NUP188: variants seen among roughly 807,000 people sequenced by gnomAD.
The protein encoded by NUP188 is nucleoporin 188.
A neutral mutation model predicts 223.0 loss-of-function variants in NUP188; 97 were observed. That is an observed-to-expected ratio of 0.43 (90% CI 0.37 to 0.51). The LOEUF (loss-of-function observed/expected upper bound fraction) is 0.51, where lower values mean the gene tolerates loss of function less well. Ranked by LOEUF, NUP188 falls within the 20% of genes least tolerant of loss-of-function variation. NUP188 has a pLI of 0.00. For synonymous variants in NUP188, 869 were observed against 828.0 expected, an observed-to-expected ratio of 1.05 and a Z score of -0.85; for missense variants, 1,947 against 2,175.6, an observed-to-expected ratio of 0.89 and a Z score of 2.09.
intron 6 of NUP188, 116 bp downstream of exon 6, chr9:128,958,170 T>C: frequency 1.3e-6 from 1 of 743,424 alleles, no homozygotes; most frequent in South Asian, 1.7e-5. Flanking sequence ...ATGGAGGTCT[T>C]TATGAAGAAG....
rs1259798044 is a variant in NUP188, at chr9:128,956,183, GT to G, written c.162-166del. 2.8e-3 allele frequency among the ~76,000 whole-genome samples: 182 copies of G among 65,708 alleles called. No individual in the cohort carries two copies. The African/African-American group carries it at 0.031, about 11-fold the overall frequency. The allele number at this position is 65,708 out of a possible 152,430, so 43.1% of individuals were successfully genotyped here. A position where few individuals can be genotyped will look rare whatever the true frequency, so the allele number is the denominator to read the frequency against. ...TTATGAAGTTTGTAGAGGTGAATGG[GT>G]GTGTGTGTGTGTGTGTGTGTGTGTG... On this transcript the variant is annotated intron_variant, in intron 3 of 43. Coordinates refer to ENST00000372577, the MANE Select transcript of NUP188 (RefSeq NM_015354.3).
At chr9:128,990,280 C>A in intron 25 of NUP188, 54 bp downstream of exon 25, 1 of 1,407,866 alleles carries the variant, frequency 7.1e-7, no homozygotes. Context: ...TTTTTTTCCC[C>A]CTGATTACAA....
At chr9:128,954,710 C>G (rs1283965052) in intron 3 of NUP188, among the ~76,000 whole-genome samples, 1 of 151,792 alleles carries the variant, frequency 6.6e-6, no homozygotes, top group African/African-American at 2.4e-5. Flanking sequence ...CTTAGTCTTA[C>G]CTTGATTTTC....
intron 40 of NUP188, 56 bp downstream of exon 40, chr9:129,005,586 T>C (rs1317474487): frequency 1.2e-6 from 2 of 1,611,028 alleles, no homozygotes; most frequent in East Asian, 2.2e-5. Context: ...CTCTGCTGTG[T>C]ACCGAGAGCT....
chr9:128,992,283 C>G (rs1842447218), intron 25 of NUP188, among the ~76,000 whole-genome samples: 1 of 152,126 alleles, frequency 6.6e-6, no homozygotes, highest in South Asian at 2.1e-4. Context: ...AGCCTCCACT[C>G]CCAGGTTCAT....
intron 30 of NUP188, among the ~76,000 whole-genome samples, chr9:128,995,728 T>C (rs1330079761): frequency 2.6e-5 from 4 of 152,156 alleles, no homozygotes; most frequent in African/African-American, 4.8e-5. Flanking sequence ...GAGAAGTGAT[T>C]TGAAATCCTT....
chr9:128,961,472 A>G (rs941452902), intron 8 of NUP188, among the ~76,000 whole-genome samples: 3 of 151,888 alleles, frequency 2.0e-5, no homozygotes, highest in African/African-American at 7.3e-5. Flanking sequence ...AGATGACGCC[A>G]GTGCACTCTG....
chr9:128,985,552 T>C (rs1241981757), intron 20 of NUP188, among the ~76,000 whole-genome samples: 1 of 152,188 alleles, frequency 6.6e-6, no homozygotes, highest in African/African-American at 2.4e-5. Context: ...AGCATAAATT[T>C]TGGAGTCAGA....
chr9:128,997,604 C>G (rs534271330), intron 30 of NUP188, among the ~76,000 whole-genome samples: 1 of 152,260 alleles, frequency 6.6e-6, no homozygotes, highest in Admixed American at 6.5e-5. Context: ...ATCTTCCCAC[C>G]TCAGCCTCCC....
chr9:128,958,894 G>T lies in NUP188; in HGVS notation c.465G>T (p.Arg155Ser). 1 of 1,579,198 alleles carries T rather than the reference G, an allele frequency of 6.3e-7. No homozygotes were observed. Among genetic ancestry groups the T allele is most frequent in the South Asian group, 1.2e-5 (1 of 86,330 alleles). The change falls in exon 7 of 44, where the codon AGG becomes AGT. Residue 155 changes from arginine (R) to serine (S), a missense_variant and splice_region_variant. Physicochemically the swap from Arg to Ser is moderately radical, Grantham distance 110. Coordinates refer to ENST00000372577, the MANE Select transcript of NUP188 (RefSeq NM_015354.3). ...TCCAAGATGAAAGACACCCCTATAG[G>T]GTAAGCTTGTTTAGTCCTCTTGCTT... ...TYFQDERHPYRVEYADCVDKL... is the reference protein window; with the variant it reads ...TYFQDERHPYSVEYADCVDKL...
At chr9:128,976,683 A>C (rs1157012351) in intron 12 of NUP188, among the ~76,000 whole-genome samples, 3 of 152,060 alleles carry the variant, frequency 2.0e-5, no homozygotes, top group Non-Finnish European at 2.9e-5. Context: ...AAAAAAAAAA[A>C]AGACTCAATT....
At chr9:129,002,745 T>G in intron 36 of NUP188, 72 bp from the exon 37 acceptor site, 1 of 1,504,596 alleles carries the variant, frequency 6.6e-7, no homozygotes, top group African/African-American at 1.4e-5. Flanking sequence ...CTGGGCTGCC[T>G]TAGTTGCTGT....
At chr9:128,972,645 A>C (rs943831674) in intron 11 of NUP188, among the ~76,000 whole-genome samples, 1 of 152,230 alleles carries the variant, frequency 6.6e-6, no homozygotes, top group African/African-American at 2.4e-5. Context: ...CAGTTGTAAC[A>C]ATTGTACTGT....
intron 8 of NUP188, among the ~76,000 whole-genome samples, chr9:128,961,749 G>A (rs1346090743): frequency 2.7e-5 from 4 of 150,108 alleles, no homozygotes; most frequent in Non-Finnish European, 5.9e-5. Flanking sequence ...AGCTTCCTGA[G>A]TAGCTGGGAT....
chr9:128,947,788 A>G, intron 1 of NUP188, 37 bp downstream of exon 1: 1 of 1,376,708 alleles, frequency 7.3e-7, no homozygotes, highest in Non-Finnish European at 9.4e-7. Flanking sequence ...GTGGCTGTGA[A>G]GCGCGGTGTC....
rs1475043495 is a variant in NUP188, at chr9:129,001,726, G to C, written c.4041G>C (p.Gln1347His). 1 of 1,613,358 alleles carries C rather than the reference G, an allele frequency of 6.2e-7. No homozygotes were observed. Among genetic ancestry groups the C allele is most frequent in the Non-Finnish European group, 8.5e-7 (1 of 1,179,788 alleles). ...LHLLLTLART[Q>H]QGATAVAGAG... ...TGCTCCTCACCCTGGCTCGCACTCAGCAGGTAGGAGGCCAGCCCGAAGGCA... is the reference window on the plus strand; with the variant it reads ...TGCTCCTCACCCTGGCTCGCACTCACCAGGTAGGAGGCCAGCCCGAAGGCA... The change falls in exon 35 of 44, where the codon CAG becomes CAC. Residue 1347 changes from glutamine to histidine, a missense_variant. By Grantham distance (24) the Gln-to-His change is conservative. Transcript: ENST00000372577.
intron 9 of NUP188, 104 bp from the exon 10 acceptor site, chr9:128,969,296 G>A: frequency 2.9e-6 from 2 of 685,992 alleles, no homozygotes; most frequent in South Asian, 1.8e-5. Flanking sequence ...ACTATGCCTG[G>A]CCCAATAGGT....
At chr9:128,992,485 G>C (rs1211681473) in intron 25 of NUP188, among the ~76,000 whole-genome samples, 1 of 152,204 alleles carries the variant, frequency 6.6e-6, no homozygotes, top group Non-Finnish European at 1.5e-5. Flanking sequence ...GTGAGCCACT[G>C]TGCCTGGCCC....
chr9:128,987,698 A>C lies in NUP188; in HGVS notation c.2374A>C (p.Met792Leu). ...TGGCGTGGACACCATTGACATGGTGATGGCTGCTCAGCCTCGAAGGTAGGG... is the reference window on the plus strand; with the variant it reads ...TGGCGTGGACACCATTGACATGGTGCTGGCTGCTCAGCCTCGAAGGTAGGG... ...GIGVDTIDMV[M>L]AAQPRSDGAE... is the part of the protein sequence containing the mutation. Residue 792 changes from methionine to leucine, a missense_variant, in exon 23 of 44, where the codon ATG (methionine) becomes CTG (leucine). Transcript: ENST00000372577. 1 of 1,613,976 alleles carries C rather than the reference A, an allele frequency of 6.2e-7. No individual in the cohort carries two copies. The highest frequency in any genetic ancestry group is 8.5e-7 in the Non-Finnish European group (1 of 1,179,938).
Sources: gnomAD v4.1 joint callset for allele counts (sites outside exome capture counted in the v4.1 genomes callset) on GRCh38, gnomAD v4.1.1 for gene constraint, MANE v1.5 for transcripts, NCBI Gene and HGNC (gene_info 2026-07-23, HGNC 2026-07-21) for gene names.